The following EPB41L3 variants were observed in gnomAD, a reference collection of about 807,000 sequenced individuals.
The protein encoded by EPB41L3 is band 4.1-like protein 3.
EPB41L3 carries 57 observed loss-of-function variants against 127.1 expected under a neutral mutation model. That is an observed-to-expected ratio of 0.45 (90% CI 0.36 to 0.56). EPB41L3 has a LOEUF of 0.56. Ranked by LOEUF, EPB41L3 falls within the 20% of genes least tolerant of loss-of-function variation. EPB41L3 has a pLI of 0.00. For synonymous variants in EPB41L3, 572 were observed against 549.5 expected, an observed-to-expected ratio of 1.04 and a Z score of -0.57; for missense variants, 1,273 against 1,372.2, an observed-to-expected ratio of 0.93 and a Z score of 1.14.
At chr18:5,604,145 G>C (rs1199901362) in intron 3 of EPB41L3, among the ~76,000 whole-genome samples, 2 of 151,914 alleles carry the variant, frequency 1.3e-5, no homozygotes, top group Non-Finnish European at 2.9e-5. Flanking sequence ...AGTATACTCT[G>C]CTTGTAATAG....
intron 3 of EPB41L3, among the ~76,000 whole-genome samples, chr18:5,475,922 C>T (rs933107715): frequency 6.6e-6 from 1 of 152,172 alleles, no homozygotes; most frequent in Admixed American, 6.6e-5. Flanking sequence ...GGAGAGCCAA[C>T]ACTGAAGCAC....
At chr18:5,441,605 A>G (rs1211109560) in intron 5 of EPB41L3, among the ~76,000 whole-genome samples, 3 of 152,040 alleles carry the variant, frequency 2.0e-5, no homozygotes, top group Admixed American at 6.5e-5. Flanking sequence ...AGCTGGGACT[A>G]CAGGCGCACG....
At chr18:5,511,641 A>C (rs947902339) in intron 1 of EPB41L3, among the ~76,000 whole-genome samples, 2 of 152,036 alleles carry the variant, frequency 1.3e-5, no homozygotes, top group African/African-American at 4.8e-5. Flanking sequence ...ATTTTCAGAG[A>C]GGTGATCCCC....
chr18:5,470,575 A>T (rs1385761087), intron 3 of EPB41L3, among the ~76,000 whole-genome samples: 3 of 152,250 alleles, frequency 2.0e-5, no homozygotes, highest in Non-Finnish European at 2.9e-5. Context: ...CAAAGATTTT[A>T]ATGAAGACCA....
intron 12 of EPB41L3, among the ~76,000 whole-genome samples, chr18:5,419,246 AGGC>A (rs1215539665): frequency 6.6e-6 from 1 of 152,226 alleles, no homozygotes; most frequent in Non-Finnish European, 1.5e-5. Context: ...TCTGCTGATT[AGGC>A]GTAAGTATAA....
Position 5,541,102 on chromosome 18 carries a change from A to AAG in EPB41L3, c.-12+2810_-12+2811insCT, listed in dbSNP as rs61516934. Among the ~76,000 whole-genome samples, 6 of 148,964 alleles carry AAG rather than the reference A, an allele frequency of 4.0e-5. No individual in the cohort carries two copies. The East Asian group carries it at 1.2e-3, about 30-fold the overall frequency. On this transcript the variant is annotated intron_variant, in intron 1 of 22. Transcript: ENST00000341928. ...TCCGTCTCAAAAAAAAAAAAAAAAA[A>AAG]GCTAGCAGGGTGTGGTGGTGGTCGC...
chr18:5,478,588 A>G lies in EPB41L3; in HGVS notation c.184-150T>C, dbSNP rs1407579913. The G allele has an allele frequency of 4.4e-6, 3 of 688,368 alleles. No individual in the cohort carries two copies. The East Asian group carries it at 8.2e-5, about 19-fold the overall frequency. The allele number at this position is 688,368 out of a possible 1,614,324, so 42.6% of individuals were successfully genotyped here. Reference sequence around the variant, plus strand: ...AATAGATATAAATATACAGATATTTATAATATTTGCCTAAATACTGTTTGC... The same window carrying G: ...AATAGATATAAATATACAGATATTTGTAATATTTGCCTAAATACTGTTTGC... On this transcript the variant is annotated intron_variant, in intron 2 of 22. Coordinates refer to ENST00000341928, the MANE Select transcript of EPB41L3 (RefSeq NM_012307.5).
At chr18:5,589,801 T>C (rs2094470498) in intron 3 of EPB41L3, among the ~76,000 whole-genome samples, 1 of 152,228 alleles carries the variant, frequency 6.6e-6, no homozygotes. Flanking sequence ...GGAGAGTGAC[T>C]TTCTGATGCT....
At chr18:5,480,612 T>C (rs1199460219) in intron 2 of EPB41L3, among the ~76,000 whole-genome samples, 1 of 152,224 alleles carries the variant, frequency 6.6e-6, no homozygotes, top group Non-Finnish European at 1.5e-5. Flanking sequence ...CAAAGAATTT[T>C]GTGGAAGAAT....
intron 1 of EPB41L3, among the ~76,000 whole-genome samples, chr18:5,536,324 G>A (rs1479630600): frequency 6.6e-6 from 1 of 150,950 alleles, no homozygotes; most frequent in African/African-American, 2.4e-5. Flanking sequence ...TAGGCAGCAA[G>A]CAGAAGGAGG....
chr18:5,524,475 G>A (rs1025425044), intron 1 of EPB41L3, among the ~76,000 whole-genome samples: 3 of 152,148 alleles, frequency 2.0e-5, no homozygotes, highest in East Asian at 1.9e-4. Flanking sequence ...GATTACAGGC[G>A]TGAGCCATTG....
intron 3 of EPB41L3, among the ~76,000 whole-genome samples, chr18:5,552,427 C>T (rs967545850): frequency 2.6e-5 from 4 of 152,190 alleles, no homozygotes; most frequent in Non-Finnish European, 4.4e-5. Flanking sequence ...AAGTTACACA[C>T]GCGTACTTGT....
chr18:5,394,614 A>G (rs1234047496), intron 22 of EPB41L3, 63 bp downstream of exon 22: 26 of 1,216,664 alleles, frequency 2.1e-5, no homozygotes, highest in Non-Finnish European at 3.0e-5. Flanking sequence ...GAAGGATGAG[A>G]GGGAAGTGCC....
intron 8 of EPB41L3, chr18:5,429,404 C>T (rs760271161): frequency 6.6e-6 from 1 of 152,146 alleles, no homozygotes; most frequent in East Asian, 1.9e-4. Context: ...CAGGGTAAAA[C>T]GAACATTTGT....
chr18:5,479,879 T>C (rs2088062129), intron 2 of EPB41L3: 1 of 152,204 alleles, frequency 6.6e-6, no homozygotes, highest in Non-Finnish European at 1.5e-5. Flanking sequence ...AATCATAAAA[T>C]TGTCATTAAG....
intron 3 of EPB41L3, among the ~76,000 whole-genome samples, chr18:5,575,566 G>A (rs2094328730): frequency 6.6e-6 from 1 of 152,184 alleles, no homozygotes; most frequent in African/African-American, 2.4e-5. Context: ...GCCCGGTGCT[G>A]TGGCTCATGC....
chr18:5,615,559 T>TA (rs1342693549), intron 1 of EPB41L3, among the ~76,000 whole-genome samples: 1 of 152,084 alleles, frequency 6.6e-6, no homozygotes, highest in Non-Finnish European at 1.5e-5. Flanking sequence ...CATTCGAAAA[T>TA]AAAGAGTGTG....
intron 11 of EPB41L3, among the ~76,000 whole-genome samples, chr18:5,422,996 T>G (rs1008319095): frequency 3.7e-4 from 56 of 152,304 alleles, no homozygotes; most frequent in African/African-American, 1.3e-3. Context: ...AACTTATAGA[T>G]TTATAAAACA....
At chr18:5,610,476 C>T (rs8098397) in intron 3 of EPB41L3, among the ~76,000 whole-genome samples, 10,645 of 152,152 alleles carry the variant, frequency 0.07, 1,175 homozygotes, top group African/African-American at 0.24. Context: ...TACACCCAAA[C>T]CACATTTGAA....
Sources: gnomAD v4.1 joint callset for allele counts (sites outside exome capture counted in the v4.1 genomes callset) on GRCh38, gnomAD v4.1.1 for gene constraint, MANE v1.5 for transcripts, NCBI Gene and HGNC (gene_info 2026-07-23, HGNC 2026-07-21) for gene names.